Variants in BTAF1 observed in about 807,000 individuals in gnomAD.
BTAF1 encodes TATA-binding protein-associated factor 172.
In BTAF1, 38 loss-of-function variants were observed where a neutral mutation model predicts 227.1. That is an observed-to-expected ratio of 0.17 (90% CI 0.13 to 0.22). The LOEUF (loss-of-function observed/expected upper bound fraction) is 0.22, where lower values mean the gene tolerates loss of function less well. Ranked by LOEUF, BTAF1 falls within the 10% of genes least tolerant of loss-of-function variation. BTAF1 has a pLI of 1.00. For missense variants in BTAF1, 1,598 were observed against 2,204.0 expected (o/e 0.73, Z 5.51); for synonymous variants, 742 against 751.9 (o/e 0.99, Z 0.21).
At chr10:91,965,597 T>C (rs1040512881) in intron 13 of BTAF1, among the ~76,000 whole-genome samples, 1 of 152,242 alleles carries the variant, frequency 6.6e-6, no homozygotes. Flanking sequence ...TTCCGTCTTT[T>C]TTGTTTCAAA....
intron 6 of BTAF1, among the ~76,000 whole-genome samples, chr10:91,954,879 C>A (rs1485360231): frequency 6.6e-6 from 1 of 152,072 alleles, no homozygotes; most frequent in Non-Finnish European, 1.5e-5. Context: ...TTCTTGGGTC[C>A]CACTCAGATC....
chr10:92,017,060 T>G (rs1850791365), intron 33 of BTAF1, among the ~76,000 whole-genome samples: 2 of 152,220 alleles, frequency 1.3e-5, no homozygotes, highest in African/African-American at 4.8e-5. Flanking sequence ...GCAGTAATTT[T>G]TCAAAGCTCT....
Position 92,013,765 on chromosome 10 carries a change from A to AAAT in BTAF1, c.4410_4411insAAT (p.Leu1470_Ala1471insAsn). 6.2e-7 allele frequency: 1 copy of AAAT among 1,614,080 alleles called. No homozygotes were observed. Among genetic ancestry groups the AAAT allele is most frequent in the Non-Finnish European group, 8.5e-7 (1 of 1,180,022 alleles). On this transcript the variant is annotated inframe_insertion, in exon 31 of 38. Coordinates refer to ENST00000265990, the MANE Select transcript of BTAF1 (RefSeq NM_003972.3). Reference sequence around the variant, plus strand: ...CTGCTCGATATGGTAAACCTATATTAGCAAGTAGGGATGCTCGAAGCTCCA... The same window carrying AAAT: ...CTGCTCGATATGGTAAACCTATATTAAATGCAAGTAGGGATGCTCGAAGCTCCA...
intron 25 of BTAF1, among the ~76,000 whole-genome samples, chr10:92,000,881 A>G (rs1310744191): frequency 3.9e-5 from 6 of 152,200 alleles, no homozygotes; most frequent in Admixed American, 6.5e-5. Context: ...ACAGTACTTG[A>G]TAACAGATTG....
At position 92,030,218 on chromosome 10, in the gene BTAF1, T is replaced by C. The variant is rs1413345165; in HGVS notation, c.*1285T>C. Reference sequence around the variant, plus strand: ...GTTTTGTTTAATTAAAATTATACTGTTCTGCAGCATTTAGACATTTGTCAC... The same window carrying C: ...GTTTTGTTTAATTAAAATTATACTGCTCTGCAGCATTTAGACATTTGTCAC... On this transcript the variant is annotated 3_prime_UTR_variant, in exon 38 of 38. Coordinates refer to ENST00000265990, the MANE Select transcript of BTAF1 (RefSeq NM_003972.3). The C allele has an allele frequency of 6.6e-6, 1 of 152,578 alleles. No homozygotes were observed. The highest frequency in any genetic ancestry group is 2.4e-5 in the African/African-American group (1 of 41,466). The allele number at this position is 152,578 out of a possible 1,614,324, so 9.5% of individuals were successfully genotyped here.
intron 8 of BTAF1, among the ~76,000 whole-genome samples, chr10:91,958,472 C>A (rs1431294803): frequency 6.6e-6 from 1 of 151,868 alleles, no homozygotes; most frequent in Non-Finnish European, 1.5e-5. Flanking sequence ...GAGGCTGAGG[C>A]GGACAGATCG....
At chr10:91,934,696 C>T (rs1844487545) in intron 1 of BTAF1, among the ~76,000 whole-genome samples, 1 of 152,150 alleles carries the variant, frequency 6.6e-6, no homozygotes, top group South Asian at 2.1e-4. Flanking sequence ...CTGTATCTCC[C>T]ACTCTTCTCT....
At chr10:92,026,441 T>C (rs1362885405) in intron 35 of BTAF1, 151 bp from the exon 36 acceptor site, 6 of 610,500 alleles carry the variant, frequency 9.8e-6, no homozygotes, top group East Asian at 5.7e-5. Flanking sequence ...GTTATACATA[T>C]TGAGAGGATA....
At chr10:92,001,682 C>T (rs893105574) in intron 25 of BTAF1, among the ~76,000 whole-genome samples, 1 of 151,958 alleles carries the variant, frequency 6.6e-6, no homozygotes, top group South Asian at 2.1e-4. Flanking sequence ...AAATACAGCA[C>T]CCAACAACAT....
In BTAF1 at chr10:91,989,254, C is replaced by A. The variant is rs1203510838; in HGVS notation, c.2528C>A (p.Thr843Lys). ...SKRQQVQMTV[T>K]ETNQEWQVLQ... is the part of the protein sequence containing the mutation. ...CGACAGCAGGTCCAAATGACAGTTA[C>A]AGAGACCAACCAGGAGTGGCAAGTG... Residue 843 changes from threonine (T) to lysine (K), a missense_variant, in exon 20 of 38, where the codon ACA becomes AAA. Physicochemically the swap from Thr to Lys is moderately conservative, Grantham distance 78. Coordinates refer to ENST00000265990, the MANE Select transcript of BTAF1 (RefSeq NM_003972.3). The A allele has an allele frequency of 6.2e-7, 1 of 1,613,986 alleles. No homozygotes were observed. The highest frequency in any genetic ancestry group is 8.5e-7 in the Non-Finnish European group (1 of 1,180,052).
chr10:91,996,003 G>C (rs147215049), intron 23 of BTAF1, among the ~76,000 whole-genome samples: 64 of 152,322 alleles, frequency 4.2e-4, no homozygotes, highest in African/African-American at 1.4e-3. Flanking sequence ...ACCAAATTTG[G>C]AGGGAGCTGG....
intron 3 of BTAF1, among the ~76,000 whole-genome samples, chr10:91,941,510 T>A (rs1041332675): frequency 1.3e-5 from 2 of 152,214 alleles, no homozygotes; most frequent in African/African-American, 4.8e-5. Context: ...GAACATTTTA[T>A]AGATGTTTTT....
chr10:91,998,127 CAAAAAA>C (rs55642022), intron 25 of BTAF1, among the ~76,000 whole-genome samples: 2 of 99,422 alleles, frequency 2.0e-5, no homozygotes, highest in East Asian at 2.8e-4. Flanking sequence ...GACTCCATCT[CAAAAAA>C]AAAAAAAAAA....
intron 5 of BTAF1, 58 bp downstream of exon 5, chr10:91,951,624 T>C: frequency 6.7e-7 from 1 of 1,489,070 alleles, no homozygotes; most frequent in South Asian, 1.4e-5. Flanking sequence ...TTTGCTTCAT[T>C]TTGTTTATGT....
At chr10:91,991,326 C>T (rs1222531675) in intron 20 of BTAF1, among the ~76,000 whole-genome samples, 6 of 131,416 alleles carry the variant, frequency 4.6e-5, no homozygotes, top group African/African-American at 1.6e-4. Context: ...CGTCTGTAAT[C>T]CTAGCTACTC....
chr10:91,929,023 A>T (rs759927113), intron 1 of BTAF1, among the ~76,000 whole-genome samples: 1 of 152,214 alleles, frequency 6.6e-6, no homozygotes, highest in East Asian at 1.9e-4. Flanking sequence ...CATGTTGCCC[A>T]GGCTGGTTGC....
chr10:91,973,861 G>A (rs906380427), intron 14 of BTAF1, among the ~76,000 whole-genome samples: 5 of 128,646 alleles, frequency 3.9e-5, no homozygotes, highest in South Asian at 2.7e-4. Flanking sequence ...CTGAGATCCC[G>A]CCACTGCACT....
chr10:91,990,734 G>A (rs998935903), intron 20 of BTAF1, among the ~76,000 whole-genome samples: 2 of 151,610 alleles, frequency 1.3e-5, no homozygotes, highest in East Asian at 2.0e-4. Context: ...CGGAGGTTGC[G>A]GTGAGCTGAG....
At chr10:91,931,215 T>C (rs1844255529) in intron 1 of BTAF1, among the ~76,000 whole-genome samples, 1 of 152,214 alleles carries the variant, frequency 6.6e-6, no homozygotes, top group Non-Finnish European at 1.5e-5. Flanking sequence ...AGGCAGTCTT[T>C]AGAACAGTTG....
Sources: gnomAD v4.1 joint callset for allele counts (sites outside exome capture counted in the v4.1 genomes callset) on GRCh38, gnomAD v4.1.1 for gene constraint, MANE v1.5 for transcripts, NCBI Gene and HGNC (gene_info 2026-07-23, HGNC 2026-07-21) for gene names.